The following NTM variants were observed in gnomAD, a reference collection of about 807,000 sequenced individuals.
The protein encoded by NTM is neurotrimin.
A neutral mutation model predicts 42.1 loss-of-function variants in NTM; 13 were observed. The ratio of observed to expected loss-of-function variants is 0.31; its 90% CI spans 0.20 to 0.49. NTM has a LOEUF of 0.49. Among genes scored for constraint, NTM ranks in the 20% least tolerant of loss-of-function variants. The pLI is 0.99. For missense variants in NTM, 373 were observed against 452.8 expected (o/e 0.82, Z 1.60); for synonymous variants, 187 against 179.2 (o/e 1.04, Z -0.35).
chr11:132,295,657 A>G (rs765997475), intron 4 of NTM, among the ~76,000 whole-genome samples: 2 of 152,148 alleles, frequency 1.3e-5, no homozygotes, highest in East Asian at 1.9e-4. Flanking sequence ...GATCAATACA[A>G]TGCCTCGTGT....
chr11:131,946,534 G>T (rs1213903857), intron 2 of NTM, among the ~76,000 whole-genome samples: 3 of 152,206 alleles, frequency 2.0e-5, no homozygotes, highest in Non-Finnish European at 2.9e-5. Flanking sequence ...CTAAAAGCTA[G>T]AGTTCAGTGT....
chr11:131,589,423 G>A (rs2059168396), intron 1 of NTM, among the ~76,000 whole-genome samples: 1 of 152,058 alleles, frequency 6.6e-6, no homozygotes, highest in Non-Finnish European at 1.5e-5. Flanking sequence ...CTCAATTAGT[G>A]CTGTAATTAA....
chr11:131,501,615 G>A (rs1591845285), intron 1 of NTM, among the ~76,000 whole-genome samples: 1 of 152,288 alleles, frequency 6.6e-6, no homozygotes, highest in East Asian at 1.9e-4. Flanking sequence ...AGAGACCAAT[G>A]ACAATATTTC....
At chr11:131,547,528 C>T (rs547443006) in intron 1 of NTM, among the ~76,000 whole-genome samples, 4 of 152,130 alleles carry the variant, frequency 2.6e-5, no homozygotes, top group South Asian at 2.1e-4. Context: ...GTTTTGTGGA[C>T]GGTGAAGTCC....
chr11:131,540,736 A>C (rs996508327), intron 1 of NTM: 4 of 152,234 alleles, frequency 2.6e-5, no homozygotes, highest in African/African-American at 9.6e-5. Context: ...AGGCCTTTGC[A>C]TGGCAGCCCA....
chr11:131,548,564 G>T (rs1292599953), intron 1 of NTM, among the ~76,000 whole-genome samples: 1 of 152,110 alleles, frequency 6.6e-6, no homozygotes, highest in Non-Finnish European at 1.5e-5. Context: ...AGATACAAAA[G>T]TTTGCTGATT....
chr11:131,485,400 G>A (rs181820183), intron 1 of NTM, among the ~76,000 whole-genome samples: 2 of 152,284 alleles, frequency 1.3e-5, no homozygotes, highest in East Asian at 3.9e-4. Context: ...ATTTTGTATA[G>A]ATTATTTTGC....
chr11:131,471,427 A>G (rs1279924825), intron 1 of NTM, among the ~76,000 whole-genome samples: 1 of 152,228 alleles, frequency 6.6e-6, no homozygotes, highest in Non-Finnish European at 1.5e-5. Context: ...GGGAAAAGAC[A>G]GATAGGACAC....
At chr11:131,525,627 G>T (rs978450098) in intron 1 of NTM, among the ~76,000 whole-genome samples, 1 of 152,188 alleles carries the variant, frequency 6.6e-6, no homozygotes, top group African/African-American at 2.4e-5. Context: ...GTGAATGAAT[G>T]AAAAGGTCAT....
intron 1 of NTM, among the ~76,000 whole-genome samples, chr11:131,592,434 A>T (rs953619936): frequency 1.3e-5 from 2 of 152,038 alleles, no homozygotes; most frequent in Admixed American, 6.5e-5. Context: ...CTTGTTTAGT[A>T]AACAGGGCAG....
chr11:131,567,569 A>G lies in NTM; in HGVS notation c.82+196681A>G, dbSNP rs180692420. Among the ~76,000 whole-genome samples, 81 of 152,318 alleles carry G rather than the reference A, an allele frequency of 5.3e-4. No individual in the cohort carries two copies. The East Asian group carries it at 0.011, about 21-fold the overall frequency. On this transcript the variant is annotated intron_variant, in intron 1 of 8. Transcript: ENST00000683400. ...CTGGAAAGCCTAAAAGACGTGTCCT[A>G]TTGGAAGCATTGCTGCTCAGGGCCC...
chr11:132,081,384 C>A (rs1273903963), intron 2 of NTM, among the ~76,000 whole-genome samples: 1 of 152,186 alleles, frequency 6.6e-6, no homozygotes, highest in Non-Finnish European at 1.5e-5. Context: ...ACATTGACAT[C>A]TTGTAGTAAG....
intron 2 of NTM, among the ~76,000 whole-genome samples, chr11:131,913,397 G>A (rs745396602): frequency 1.3e-5 from 2 of 152,034 alleles, no homozygotes; most frequent in African/African-American, 4.8e-5. Context: ...TAAACAGGAA[G>A]TGGGTCCTGG....
intron 2 of NTM, among the ~76,000 whole-genome samples, chr11:131,920,126 T>C (rs375793795): frequency 4.2e-4 from 64 of 152,238 alleles, no homozygotes; most frequent in African/African-American, 1.5e-3. Flanking sequence ...GTGGAGCAGG[T>C]TTTCTGTGAA....
intron 3 of NTM, among the ~76,000 whole-genome samples, chr11:132,195,555 T>A (rs1262170318): frequency 6.6e-6 from 1 of 150,756 alleles, no homozygotes; most frequent in African/African-American, 2.4e-5. Context: ...GACTTCAAAC[T>A]ATACTACAAG....
chr11:131,489,613 G>A (rs1355286513), intron 1 of NTM, among the ~76,000 whole-genome samples: 4 of 152,144 alleles, frequency 2.6e-5, no homozygotes, highest in South Asian at 2.1e-4. Flanking sequence ...ATCTTTACCC[G>A]AAGGCCCATA....
At chr11:131,650,837 T>C (rs1453864426) in intron 1 of NTM, among the ~76,000 whole-genome samples, 1 of 152,218 alleles carries the variant, frequency 6.6e-6, no homozygotes, top group Non-Finnish European at 1.5e-5. Flanking sequence ...TTGGCCTCCT[T>C]CTTCTTCAGG....
chr11:131,904,802 G>A (rs940830241), intron 1 of NTM, among the ~76,000 whole-genome samples: 2 of 152,148 alleles, frequency 1.3e-5, no homozygotes, highest in African/African-American at 4.8e-5. Context: ...GCAAGCACAG[G>A]CTGTTTCCCA....
chr11:132,094,016 C>T (rs575752085), intron 2 of NTM, among the ~76,000 whole-genome samples: 4 of 152,212 alleles, frequency 2.6e-5, no homozygotes, highest in Non-Finnish European at 5.9e-5. Flanking sequence ...GAACAGAAAA[C>T]GGAAGTGAGA....
Sources: gnomAD v4.1 joint callset for allele counts (sites outside exome capture counted in the v4.1 genomes callset) on GRCh38, gnomAD v4.1.1 for gene constraint, MANE v1.5 for transcripts, NCBI Gene and HGNC (gene_info 2026-07-23, HGNC 2026-07-21) for gene names.